Variants in F2RL1 observed in about 807,000 individuals in gnomAD.
The protein encoded by F2RL1 is proteinase-activated receptor 2.
Under a neutral mutation model 21.7 loss-of-function variants are expected in F2RL1, and 16 were observed. That is an observed-to-expected ratio of 0.74 (90% CI 0.50 to 1.12). F2RL1 has a LOEUF of 1.12. Among genes scored for constraint, F2RL1 ranks in the 50% most tolerant of loss-of-function variants. The pLI is 0.00. For synonymous variants in F2RL1, 181 were observed against 186.7 expected (o/e 0.97, Z 0.25); for missense variants, 432 against 477.8 (o/e 0.90, Z 0.89).
chr5:76,825,877 G>T, intron 1 of F2RL1, among the ~76,000 whole-genome samples: 1 of 152,222 alleles, frequency 6.6e-6, no homozygotes, highest in East Asian at 1.9e-4. Flanking sequence ...AAAAAAAATT[G>T]TTATATTGCC....
chr5:76,831,685 G>A (rs564626644), intron 1 of F2RL1, among the ~76,000 whole-genome samples: 26 of 151,930 alleles, frequency 1.7e-4, no homozygotes, highest in Middle Eastern at 3.4e-3. Flanking sequence ...AGGCGCCTGC[G>A]CCTGGCTAAT....
rs1750404248 is a variant in F2RL1, at chr5:76,833,758, GCTCTTA to G, written c.1157_1162del (p.Tyr386_Ser387del). 6.2e-7 allele frequency: 1 copy of G among 1,613,972 alleles called. No individual in the cohort carries two copies. Among genetic ancestry groups the G allele is most frequent in the Non-Finnish European group, 8.5e-7 (1 of 1,180,014 alleles). ...TCAAAGAAACACTCCAGGAAATCCA[GCTCTTA>G]CTCTTCAAGTTCAACCACTGTTAAG... On this transcript the variant is annotated inframe_deletion, in exon 2 of 2. Transcript: ENST00000296677.
rs1374474454 is a variant in F2RL1, at chr5:76,833,338, T to A, written c.731T>A (p.Leu244His). The stretch of plus-strand genomic sequence containing the variant: ...GTGGGAGACATGTTCAATTACTTCC[T>A]CTCTCTGGCCATTGGGGTCTTTCTG... ...LLVGDMFNYF[L>H]SLAIGVFLFP... The change falls in exon 2 of 2, where the codon CTC becomes CAC. Residue 244 changes from leucine to histidine, a missense_variant. Coordinates refer to ENST00000296677, the MANE Select transcript of F2RL1 (RefSeq NM_005242.6). 6.2e-7 allele frequency: 1 copy of A among 1,613,780 alleles called. No individual in the cohort carries two copies. The highest frequency in any genetic ancestry group is 1.3e-5 in the African/African-American group (1 of 74,840).
At chr5:76,823,423 G>C (rs761345390) in intron 1 of F2RL1, among the ~76,000 whole-genome samples, 2 of 145,766 alleles carry the variant, frequency 1.4e-5, no homozygotes, top group Non-Finnish European at 3.0e-5. Context: ...CAGGCTGGAG[G>C]GCTGGAGTGC....
In F2RL1 at chr5:76,834,102, G is replaced by A. The variant is rs1750413118; in HGVS notation, c.*301G>A. On this transcript the variant is annotated 3_prime_UTR_variant, in exon 2 of 2. Coordinates refer to ENST00000296677, the MANE Select transcript of F2RL1 (RefSeq NM_005242.6). ...GTAACTTGCAAAAAGTAGACTTGGT[G>A]TGAAGACTCACTTCTCAGCTGAAAT... The A allele has an allele frequency of 1.0e-5, 3 of 292,754 alleles. 1 individual carries two copies. The South Asian group carries it at 2.5e-4, about 24-fold the overall frequency. 18.1% of individuals were successfully genotyped at this position (292,754 alleles called of 1,614,324 possible).
At chr5:76,824,170 C>CCCT (rs1554033483) in intron 1 of F2RL1, among the ~76,000 whole-genome samples, 13 of 90,586 alleles carry the variant, frequency 1.4e-4, no homozygotes, top group African/African-American at 1.8e-4. Flanking sequence ...CCCCCCCCCC[C>CCCT]TTTTTTTTTT....
rs750330043 is a variant in F2RL1 at position 76,829,578 on chromosome 5, GTC to G, written c.83-3110_83-3109del. 5.3e-5 allele frequency among the ~76,000 whole-genome samples: 8 copies of G among 152,156 alleles called. No homozygotes were observed. The East Asian group carries it at 1.3e-3, about 26-fold the overall frequency. On this transcript the variant is annotated intron_variant, in intron 1 of 1. Coordinates refer to ENST00000296677, the MANE Select transcript of F2RL1 (RefSeq NM_005242.6). ...CCACAATAACTGCACCAGTTGCTCAGTCTATAACACTAATCAAGCACTGAATC... is the reference window on the plus strand; with the variant it reads ...CCACAATAACTGCACCAGTTGCTCAGTATAACACTAATCAAGCACTGAATC...
intron 1 of F2RL1, among the ~76,000 whole-genome samples, chr5:76,823,552 C>T (rs750709677): frequency 1.3e-5 from 2 of 151,686 alleles, no homozygotes; most frequent in African/African-American, 2.4e-5. Context: ...CTAATTTTTG[C>T]ATTTTTAGTA....
chr5:76,833,390 C>G lies in F2RL1; in HGVS notation c.783C>G (p.Ala261=), dbSNP rs1369147835. ...FLFPAFLTAS[A]YVLMIRMLRS... is the part of the protein sequence containing the mutation. ...TCCCAGCCTTCCTCACAGCCTCTGC[C>G]TATGTGCTGATGATCAGAATGCTGC... is the stretch of plus-strand genomic sequence containing the variant. The change falls in exon 2 of 2, where the codon GCC becomes GCG. Residue 261 remains alanine (A), a synonymous_variant. Coordinates refer to ENST00000296677, the MANE Select transcript of F2RL1 (RefSeq NM_005242.6). 2.5e-5 allele frequency: 41 copies of G among 1,613,866 alleles called. No homozygotes were observed. Among genetic ancestry groups the G allele is most frequent in the Non-Finnish European group, 3.5e-5 (41 of 1,180,012 alleles).
intron 1 of F2RL1, among the ~76,000 whole-genome samples, chr5:76,829,073 A>C (rs886446457): frequency 6.6e-6 from 1 of 151,486 alleles, no homozygotes; most frequent in Admixed American, 6.6e-5. Context: ...CCAAGATCGC[A>C]CCACTGCACT....
intron 1 of F2RL1, among the ~76,000 whole-genome samples, chr5:76,830,660 C>T (rs1750334009): frequency 6.6e-6 from 1 of 152,178 alleles, no homozygotes; most frequent in Admixed American, 6.5e-5. Flanking sequence ...TCTTAGGATC[C>T]TTAATTCTAT....
At chr5:76,825,993 G>A (rs1259952430) in intron 1 of F2RL1, among the ~76,000 whole-genome samples, 6 of 151,954 alleles carry the variant, frequency 3.9e-5, no homozygotes, top group African/African-American at 1.2e-4. Context: ...TATTTTTATG[G>A]AGAATTTTAA....
intron 1 of F2RL1, among the ~76,000 whole-genome samples, chr5:76,824,157 ACACC>A (rs1750196009): frequency 1.9e-5 from 1 of 52,324 alleles, no homozygotes; most frequent in African/African-American, 8.1e-5. Flanking sequence ...CCTCCCCACC[ACACC>A]CCCCCCCCCT....
At position 76,833,831 on chromosome 5, in the gene F2RL1, C is replaced by T. The variant is rs751458316; in HGVS notation, c.*30C>T. 20 of 1,598,506 alleles carry T rather than the reference C, an allele frequency of 1.3e-5. No homozygotes were observed. Among genetic ancestry groups the T allele is most frequent in the Non-Finnish European group, 1.7e-5 (20 of 1,171,172 alleles). ...TCCAGGTCCTCAGATGGGAATTGCA[C>T]AGTAGGATGTGGAACCTGTTTAATG... On this transcript the variant is annotated 3_prime_UTR_variant, in exon 2 of 2. Coordinates refer to ENST00000296677, the MANE Select transcript of F2RL1 (RefSeq NM_005242.6).
chr5:76,827,600 C>CTTTT lies in F2RL1; in HGVS notation c.83-5071_83-5068dup, dbSNP rs70982643. Among the ~76,000 whole-genome samples, 82 of 104,978 alleles carry CTTTT rather than the reference C, an allele frequency of 7.8e-4. 1 individual carries two copies. Among genetic ancestry groups the CTTTT allele is most frequent in the African/African-American group, 1.8e-3 (48 of 26,354 alleles). The allele number at this position is 104,978 out of a possible 152,430, so 68.9% of individuals were successfully genotyped here. On this transcript the variant is annotated intron_variant, in intron 1 of 1. Transcript: ENST00000296677. ...GTGGAGCTACTGGGTCATATAGTAA[C>CTTTT]TTTTTTTTTTTTTTTTTTTTTTGAG...
chr5:76,833,194 T>G lies in F2RL1; in HGVS notation c.587T>G (p.Leu196Arg), dbSNP rs1159165049. The change falls in exon 2 of 2, where the codon CTG becomes CGG. Residue 196 changes from leucine to arginine, a missense_variant. Leu to Arg is a moderately radical substitution (Grantham distance 102). Transcript: ENST00000296677. ...KKANIAIGIS[L>R]AIWLLILLVT... ...GCAAACATTGCCATTGGCATCTCCC[T>G]GGCAATATGGCTGCTGATTCTGCTG... is the stretch of plus-strand genomic sequence containing the variant. 2 of 1,614,038 alleles carry G rather than the reference T, an allele frequency of 1.2e-6. No individual in the cohort carries two copies. Among genetic ancestry groups the G allele is most frequent in the South Asian group, 1.1e-5 (1 of 91,082 alleles).
intron 1 of F2RL1, among the ~76,000 whole-genome samples, chr5:76,821,873 G>A (rs2243009): frequency 4.6e-5 from 7 of 151,832 alleles, no homozygotes; most frequent in African/African-American, 7.3e-5. Flanking sequence ...GAGCTACTGC[G>A]CCCTACCTAT....
intron 1 of F2RL1, among the ~76,000 whole-genome samples, chr5:76,828,653 T>A (rs914126361): frequency 1.2e-4 from 4 of 34,130 alleles, no homozygotes; most frequent in African/African-American, 3.7e-4. Flanking sequence ...GCCTGGCTAA[T>A]TTTTTTTTTT....
In F2RL1 at chr5:76,822,740, G is replaced by T. The variant is rs137993922; in HGVS notation, c.82+3476G>T. Among the ~76,000 whole-genome samples the T allele has an allele frequency of 2.0e-3, 302 of 152,144 alleles. 1 individual carries two copies. Among genetic ancestry groups the T allele is most frequent in the Non-Finnish European group, 3.2e-3 (220 of 67,994 alleles). ...TGTACTAAAAGTTTAGCTAGGGAGG[G>T]GCACCCCACAATTGAAACCTTTATT... On this transcript the variant is annotated intron_variant, in intron 1 of 1. Transcript: ENST00000296677.
Sources: allele counts gnomAD v4.1 joint callset (sites outside exome capture counted in the v4.1 genomes callset), GRCh38; gene constraint gnomAD v4.1.1; transcripts MANE v1.5; gene names NCBI Gene and HGNC (gene_info 2026-07-23, HGNC 2026-07-21).